Variants in MCM3AP observed in about 807,000 individuals in gnomAD.
MCM3AP encodes the protein minichromosome maintenance complex component 3 associated protein.
A neutral mutation model predicts 184.1 loss-of-function variants in MCM3AP; 126 were observed. The observed-to-expected ratio is 0.68, with a 90% CI of 0.59 to 0.79. The LOEUF (loss-of-function observed/expected upper bound fraction) is 0.79, where lower values mean the gene tolerates loss of function less well. MCM3AP is among the 30% of genes least tolerant of loss of function. The probability of loss-of-function intolerance (pLI) is 0.00; values close to 1 mark genes in which losing one functional copy is unlikely to be tolerated. For synonymous variants in MCM3AP, 1,002 were observed against 979.3 expected (o/e 1.02, Z -0.43); for missense variants, 2,496 against 2,479.2 (o/e 1.01, Z -0.14).
intron 2 of MCM3AP, among the ~76,000 whole-genome samples, chr21:46,282,079 G>A (rs1019058176): frequency 1.3e-5 from 2 of 152,094 alleles, no homozygotes; most frequent in Admixed American, 1.3e-4. Flanking sequence ...AAGGCAGGAG[G>A]ACAGCTTGAG....
chr21:46,235,369 C>T lies in MCM3AP; in HGVS notation c.5842G>A (p.Glu1948Lys), dbSNP rs138113935. 68 of 1,614,050 alleles carry T rather than the reference C, an allele frequency of 4.2e-5. No homozygotes were observed. Among genetic ancestry groups the T allele is most frequent in the African/African-American group, 1.1e-4 (8 of 74,928 alleles). Residue 1948 changes from glutamate (E) to lysine (K), a missense_variant, in exon 28 of 28, where the codon GAA becomes AAA. Glu to Lys is a moderately conservative substitution (Grantham distance 56). Around this residue, in one of 5 missense-constraint regions of MCM3AP, gnomAD observed 1,323 missense variants for 1,273.4 expected, o/e 1.04. Coordinates refer to ENST00000291688, the MANE Select transcript of MCM3AP (RefSeq NM_003906.5). ...AGCCTTTCCAGGTGCTTTAGTCGTT[C>T]GCCTAGACACGTTCCTGTCGCCTCT... ...LSEATGTCLG[E>K]RLKHLERLIR...
intron 20 of MCM3AP, among the ~76,000 whole-genome samples, chr21:46,249,078 G>A (rs914615860): frequency 1.1e-4 from 17 of 152,088 alleles, no homozygotes; most frequent in Admixed American, 9.2e-4. Flanking sequence ...TTTTTAGGAC[G>A]CCATGAACAG....
chr21:46,235,245 C>T lies in MCM3AP; in HGVS notation c.*23G>A. The T allele has an allele frequency of 6.2e-7, 1 of 1,611,090 alleles. No homozygotes were observed. Among genetic ancestry groups the T allele is most frequent in the Non-Finnish European group, 8.5e-7 (1 of 1,177,760 alleles). On this transcript the variant is annotated 3_prime_UTR_variant, in exon 28 of 28. Coordinates refer to ENST00000291688, the MANE Select transcript of MCM3AP (RefSeq NM_003906.5). ...AAAACAGAAACTCTTCGGGAGAGAC[C>T]CCCTCCCCACAGGTCAGGCTGCTCA... is the stretch of plus-strand genomic sequence containing the variant.
Position 46,264,211 on chromosome 21 carries a change from C to T in MCM3AP, c.3241G>A (p.Ala1081Thr), listed in dbSNP as rs1349999931. Residue 1081 changes from alanine (A) to threonine (T), a missense_variant, in exon 13 of 28, where the codon GCG (alanine) becomes ACG (threonine). Physicochemically the swap from Ala to Thr is moderately conservative, Grantham distance 58 (BLOSUM62 0). Transcript: ENST00000291688. ...PVPMYSDEDL[A>T]QVVDELIQEA... ...TGGATGAGCTCGTCCACCACCTGCG[C>T]CAGGTCCTGTGGAGAGACCAGCATG... 1.2e-6 allele frequency: 2 copies of T among 1,610,640 alleles called. No homozygotes were observed. The highest frequency in any genetic ancestry group is 2.7e-5 in the African/African-American group (2 of 74,852).
At chr21:46,247,141 AG>A in intron 20 of MCM3AP, 1 of 440,870 alleles carries the variant, frequency 2.3e-6, no homozygotes, top group Non-Finnish European at 4.1e-6. Context: ...TTTTTTGAGA[AG>A]GGGGTCTTAT....
Position 46,235,356 on chromosome 21 carries a change from TGC to T in MCM3AP, c.5853_5854del (p.His1952ProfsTer16). 1 of 1,614,178 alleles carries T rather than the reference TGC, an allele frequency of 6.2e-7. No homozygotes were observed. Among genetic ancestry groups the T allele is most frequent in the Non-Finnish European group, 8.5e-7 (1 of 1,180,008 alleles). On this transcript the variant is annotated frameshift_variant, in exon 28 of 28. Transcript: ENST00000291688. LOFTEE classifies it high-confidence loss of function. ...TGAACTCCGGATCAGCCTTTCCAGGTGCTTTAGTCGTTCGCCTAGACACGTTC... is the reference window on the plus strand; with the variant it reads ...TGAACTCCGGATCAGCCTTTCCAGGTTTTAGTCGTTCGCCTAGACACGTTC...
At chr21:46,275,504 T>C (rs1432881999) in intron 5 of MCM3AP, among the ~76,000 whole-genome samples, 179 bp from the exon 6 acceptor site, 11 of 152,208 alleles carry the variant, frequency 7.2e-5, no homozygotes, top group African/African-American at 2.4e-4. Context: ...TGGTCTATTA[T>C]GCCAGGCAGT....
In MCM3AP at chr21:46,283,713, T is replaced by A; in HGVS notation, c.1345A>T (p.Arg449Trp). 6.2e-7 allele frequency: 1 copy of A among 1,614,108 alleles called. No homozygotes were observed. The highest frequency in any genetic ancestry group is 8.5e-7 in the Non-Finnish European group (1 of 1,179,942). ...CCAAAATGGTTCTCCAGAATGGTCC[T>A]GTCGTTGAGGTAGTCAGGGATGTTC... ...CKNIPDYLND[R>W]TILENHFGKI... The change falls in exon 2 of 28, where the codon AGG becomes TGG. Residue 449 changes from arginine (R) to tryptophan (W), a missense_variant. Arg to Trp is a moderately radical substitution (Grantham distance 101, BLOSUM62 -3). Around this residue, in one of 5 missense-constraint regions of MCM3AP, gnomAD observed 800 missense variants for 717.1 expected, o/e 1.12. Transcript: ENST00000291688.
chr21:46,244,822 G>A lies in MCM3AP; in HGVS notation c.5023C>T (p.Leu1675Phe), dbSNP rs753402059. Residue 1675 changes from leucine to phenylalanine, a missense_variant, in exon 23 of 28, where the codon CTT becomes TTT. Leu to Phe is a conservative substitution (Grantham distance 22). Transcript: ENST00000291688. ...AAGCACGTACCCCCCAGGGGTGGAAGGTCCATCTGCGGAAGCTGGAACCCG... is the reference window on the plus strand; with the variant it reads ...AAGCACGTACCCCCCAGGGGTGGAAAGTCCATCTGCGGAAGCTGGAACCCG... Reference protein sequence around the residue: ...VLGFQLPQMDLPPLGAPWLPV... With the variant: ...VLGFQLPQMDFPPLGAPWLPV... 4 of 1,613,182 alleles carry A rather than the reference G, an allele frequency of 2.5e-6. No homozygotes were observed. The South Asian group carries it at 3.3e-5, about 13-fold the overall frequency.
In MCM3AP at chr21:46,259,063, G is replaced by T. The variant is rs769780927; in HGVS notation, c.3610C>A (p.Arg1204Ser). The T allele has an allele frequency of 6.2e-7, 1 of 1,613,598 alleles. No individual in the cohort carries two copies. The highest frequency in any genetic ancestry group is 2.2e-5 in the East Asian group (1 of 44,882). ...KNAVETDQRV[R>S]VARCCEDVCA... ...ACATCCTCACAGCAACGGGCCACAC[G>T]GACCCTCTGGTCTGTCTCTACTGCA... Residue 1204 changes from arginine to serine, a missense_variant, in exon 16 of 28, where the codon CGT becomes AGT. Transcript: ENST00000291688.
chr21:46,264,311 C>G (rs1340842852), intron 12 of MCM3AP, 94 bp from the exon 13 acceptor site: 1 of 757,048 alleles, frequency 1.3e-6, no homozygotes, highest in Non-Finnish European at 2.2e-6. Flanking sequence ...GCAGGCGTCT[C>G]GTGACAGAAG....
intron 9 of MCM3AP, chr21:46,270,142 C>T: frequency 3.0e-6 from 1 of 330,124 alleles, no homozygotes; most frequent in Non-Finnish European, 5.5e-6. Context: ...CTGAATTCAA[C>T]CTATGTTTTC....
chr21:46,266,712 CCT>C (rs2064469598), intron 10 of MCM3AP: 2 of 464,200 alleles, frequency 4.3e-6, no homozygotes, highest in Non-Finnish European at 7.7e-6. Context: ...TAAAGAAGGC[CCT>C]AACTTTTATC....
Position 46,256,769 on chromosome 21 carries a change from A to G in MCM3AP, c.3932+20T>C. On this transcript the variant is annotated intron_variant, in intron 17 of 27. Coordinates refer to ENST00000291688, the MANE Select transcript of MCM3AP (RefSeq NM_003906.5). ...GGGGGCAGGGGAGCCCTGACGAGGC[A>G]GGCGACAGCTGATGCTGACCTGGTG... 6.5e-7 allele frequency: 1 copy of G among 1,539,232 alleles called. No homozygotes were observed. The highest frequency in any genetic ancestry group is 8.8e-7 in the Non-Finnish European group (1 of 1,138,464).
At chr21:46,265,569 G>T in intron 11 of MCM3AP, 46 bp from the exon 12 acceptor site, 1 of 1,463,872 alleles carries the variant, frequency 6.8e-7, no homozygotes, top group Non-Finnish European at 9.2e-7. Context: ...GACACAGGGT[G>T]CCTGGCACCA....
rs1814735547 is a variant in MCM3AP, at chr21:46,246,309, T to G, written c.4645A>C (p.Lys1549Gln). The G allele has an allele frequency of 6.3e-7, 1 of 1,588,772 alleles. No homozygotes were observed. The highest frequency in any genetic ancestry group is 1.3e-5 in the African/African-American group (1 of 74,408). ...CATTAAAAATGATGAAACCTTACCT[T>G]AGTTGAACCTTGTAGATCATTAATG... ...DTINDLQGST[K>Q]VLQAVQWLVS... Residue 1549 changes from lysine to glutamine, a missense_variant and splice_region_variant, in exon 22 of 28, where the codon AAG becomes CAG. Physicochemically the swap from Lys to Gln is moderately conservative, Grantham distance 53. This residue lies in a region of MCM3AP where 1,323 missense variants were observed against 1,273.4 expected (regional missense o/e 1.04). Coordinates refer to ENST00000291688, the MANE Select transcript of MCM3AP (RefSeq NM_003906.5).
intron 12 of MCM3AP, among the ~76,000 whole-genome samples, chr21:46,264,825 C>T (rs144226480): frequency 1.1e-3 from 164 of 152,170 alleles, no homozygotes; most frequent in African/African-American, 3.5e-3. Flanking sequence ...GGGGCACACC[C>T]GCCAGGGGAC....
intron 13 of MCM3AP, 108 bp from the exon 14 acceptor site, chr21:46,261,519 G>A (rs2081041349): frequency 1.1e-6 from 1 of 951,624 alleles, no homozygotes; most frequent in Non-Finnish European, 1.6e-6. Context: ...CGGATCACAA[G>A]GTCAGAAGAT....
rs145449243 is a variant in MCM3AP at position 46,256,852 on chromosome 21, T to C, written c.3869A>G (p.Glu1290Gly). 60 of 1,578,498 alleles carry C rather than the reference T, an allele frequency of 3.8e-5. No individual in the cohort carries two copies. The highest frequency in any genetic ancestry group is 4.4e-5 in the Non-Finnish European group (51 of 1,162,040). ...APSAECPIAE[E>G]NLARGLLDLG... Reference sequence around the variant, plus strand: ...GTCCAGGAGGCCCCTGGCCAGGTTCTCTTCAGCAATGGGGCACTCTGCGCT... The same window carrying C: ...GTCCAGGAGGCCCCTGGCCAGGTTCCCTTCAGCAATGGGGCACTCTGCGCT... The change falls in exon 17 of 28, where the codon GAG becomes GGG. Residue 1290 changes from glutamate (E) to glycine (G), a missense_variant. Transcript: ENST00000291688.
Sources: gnomAD v4.1 joint callset for allele counts (sites outside exome capture counted in the v4.1 genomes callset) on GRCh38, gnomAD v4.1.1 for gene constraint, gnomAD v4.1.1 regional missense constraint, MANE v1.5 for transcripts, NCBI Gene and HGNC (gene_info 2026-07-23, HGNC 2026-07-21) for gene names.